Variants in ETFDH observed in about 807,000 individuals in gnomAD.
The protein encoded by ETFDH is electron transfer flavoprotein-ubiquinone oxidoreductase, mitochondrial.
A neutral mutation model predicts 73.2 loss-of-function variants in ETFDH; 61 were observed. That is an observed-to-expected ratio of 0.83 (90% CI 0.68 to 1.03). The LOEUF (loss-of-function observed/expected upper bound fraction) is 1.03, where lower values mean the gene tolerates loss of function less well. Ranked by LOEUF, ETFDH falls within the 50% of genes least tolerant of loss-of-function variation. The probability of loss-of-function intolerance (pLI) is 0.00; values close to 1 mark genes in which losing one functional copy is unlikely to be tolerated. For synonymous variants in ETFDH, 243 were observed against 253.3 expected (o/e 0.96, Z 0.39); for missense variants, 685 against 745.0 (o/e 0.92, Z 0.94).
intron 1 of ETFDH, among the ~76,000 whole-genome samples, chr4:158,673,548 T>G (rs1773635058): frequency 6.6e-6 from 1 of 152,204 alleles, no homozygotes; most frequent in Non-Finnish European, 1.5e-5. Flanking sequence ...TATTCCAAAT[T>G]CAAGGATATT....
intron 1 of ETFDH, among the ~76,000 whole-genome samples, chr4:158,676,449 A>C (rs1773713728): frequency 6.6e-6 from 1 of 152,230 alleles, no homozygotes. Flanking sequence ...CTCCAGCTGC[A>C]TGACTCTTAA....
At chr4:158,702,975 T>TA (rs1774505755) in intron 9 of ETFDH, among the ~76,000 whole-genome samples, 1 of 152,198 alleles carries the variant, frequency 6.6e-6, no homozygotes, top group African/African-American at 2.4e-5. Context: ...TCCTCACCAG[T>TA]AAGTTTTTTG....
chr4:158,672,357 C>A lies in ETFDH; in HGVS notation c.-100C>A. ...CTGCAGCAGAGTTCTTGCTTTCCGG[C>A]AGGTGATGGCGCCCCCCGCGGCCTA... On this transcript the variant is annotated 5_prime_UTR_variant, in exon 1 of 13. Coordinates refer to ENST00000511912, the MANE Select transcript of ETFDH (RefSeq NM_004453.4). 8.2e-7 allele frequency: 1 copy of A among 1,214,020 alleles called. No homozygotes were observed. The highest frequency in any genetic ancestry group is 2.3e-5 in the East Asian group (1 of 43,052). The allele number at this position is 1,214,020 out of a possible 1,614,324, so 75.2% of individuals were successfully genotyped here. A position where few individuals can be genotyped will look rare whatever the true frequency, so the allele number is the denominator to read the frequency against.
In ETFDH at chr4:158,703,437, C is replaced by T. The variant is rs1374492286; in HGVS notation, c.1131C>T (p.Leu377=). The T allele has an allele frequency of 6.2e-7, 1 of 1,611,452 alleles. No individual in the cohort carries two copies. The highest frequency in any genetic ancestry group is 1.7e-5 in the Admixed American group (1 of 60,012). The part of the protein sequence containing the change: ...NEGGFQSIPK[L]TFPGGLLIGC... ...TGTTTCCTCAGTCTATACCAAAACT[C>T]ACCTTTCCTGGTGGTTTACTAATTG... Residue 377 remains leucine, a synonymous_variant, in exon 10 of 13, where the codon CTC becomes CTT. Transcript: ENST00000511912.
chr4:158,690,286 GT>G, intron 5 of ETFDH, 61 bp from the exon 6 acceptor site: 1 of 932,720 alleles, frequency 1.1e-6, no homozygotes, highest in Non-Finnish European at 1.8e-6. Context: ...GCTGTTTACT[GT>G]TTTTTTCAAG....
chr4:158,694,444 G>C (rs191799023), intron 6 of ETFDH, among the ~76,000 whole-genome samples: 85 of 151,784 alleles, frequency 5.6e-4, no homozygotes, highest in African/African-American at 2.0e-3. Flanking sequence ...AATACAAAAA[G>C]TTAGCTGGGC....
In ETFDH at chr4:158,682,266, G is replaced by A. The variant is rs766435163; in HGVS notation, c.247G>A (p.Ala83Thr). ...TGGTGCAGGCCCTGCAGGGCTCTCT[G>A]CAGCTGTTCGTCTAAAACAGTTGGC... ...IVGAGPAGLS[A>T]AVRLKQLAVA... Residue 83 changes from alanine to threonine, a missense_variant, in exon 3 of 13, where the codon GCA becomes ACA. Transcript: ENST00000511912. 6.2e-7 allele frequency: 1 copy of A among 1,614,174 alleles called. No individual in the cohort carries two copies. Among genetic ancestry groups the A allele is most frequent in the South Asian group, 1.1e-5 (1 of 91,084 alleles).
intron 1 of ETFDH, among the ~76,000 whole-genome samples, chr4:158,674,088 T>C (rs945863603): frequency 2.6e-5 from 4 of 152,228 alleles, no homozygotes; most frequent in African/African-American, 9.7e-5. Context: ...AAATAGTTTG[T>C]CATATGTCAG....
Position 158,703,488 on chromosome 4 carries a change from T to G in ETFDH, c.1182T>G (p.Val394=), listed in dbSNP as rs1230662616. The stretch of plus-strand genomic sequence containing the variant: ...GTTGTAGTCCTGGTTTTATGAATGT[T>G]CCCAAGATCAAAGGTACTCACACAG... ...LIGCSPGFMN[V]PKIKGTHTAM... The change falls in exon 10 of 13, where the codon GTT becomes GTG. Residue 394 remains valine, a synonymous_variant. Coordinates refer to ENST00000511912, the MANE Select transcript of ETFDH (RefSeq NM_004453.4). The G allele has an allele frequency of 1.1e-5, 18 of 1,611,134 alleles. No homozygotes were observed. The highest frequency in any genetic ancestry group is 1.5e-5 in the Non-Finnish European group (18 of 1,177,336).
At chr4:158,695,671 A>G (rs1192315400) in intron 7 of ETFDH, 28 bp downstream of exon 7, 2 of 1,506,736 alleles carry the variant, frequency 1.3e-6, no homozygotes, top group Non-Finnish European at 1.8e-6. Context: ...TGTAATTTTA[A>G]TTTTGAAAGA....
chr4:158,680,293 T>C (rs1163828411), intron 1 of ETFDH, among the ~76,000 whole-genome samples, 174 bp from the exon 2 acceptor site: 1 of 152,030 alleles, frequency 6.6e-6, no homozygotes, highest in African/African-American at 2.4e-5. Flanking sequence ...TTTTAAAATA[T>C]TTAAGATTTG....
rs1773960375 is a variant in ETFDH, at chr4:158,684,808, C to T, written c.487+135C>T. 1.6e-5 allele frequency: 11 copies of T among 683,116 alleles called. No homozygotes were observed. The East Asian group carries it at 2.9e-4, about 18-fold the overall frequency. The allele number at this position is 683,116 out of a possible 1,614,324, so 42.3% of individuals were successfully genotyped here. A position where few individuals can be genotyped will look rare whatever the true frequency, so the allele number is the denominator to read the frequency against. On this transcript the variant is annotated intron_variant, in intron 4 of 12. Coordinates refer to ENST00000511912, the MANE Select transcript of ETFDH (RefSeq NM_004453.4). ...TTTGAAGGACTTACTCAAAGCTATA[C>T]AGCTAGCTGGTGGGAAAGCAGGACT...
At chr4:158,681,812 G>C in intron 2 of ETFDH, 1 of 313,880 alleles carries the variant, frequency 3.2e-6, no homozygotes, top group Non-Finnish European at 6.1e-6. Context: ...TGTATCATAG[G>C]CTGTTCAATT....
intron 9 of ETFDH, among the ~76,000 whole-genome samples, chr4:158,702,548 A>G (rs139267784): frequency 4.4e-4 from 67 of 151,840 alleles, no homozygotes; most frequent in South Asian, 4.2e-4. Flanking sequence ...TTAAGTTTCC[A>G]TATATGAGTG....
At chr4:158,677,988 CT>C (rs1199367512) in intron 1 of ETFDH, among the ~76,000 whole-genome samples, 1 of 152,158 alleles carries the variant, frequency 6.6e-6, no homozygotes, top group African/African-American at 2.4e-5. Context: ...CTTGAGTTAA[CT>C]TTTTTTATCA....
chr4:158,706,412 T>G (rs778771558), intron 11 of ETFDH, 41 bp downstream of exon 11: 2 of 1,463,986 alleles, frequency 1.4e-6, no homozygotes, highest in African/African-American at 2.8e-5. Context: ...TCATTAAAAA[T>G]TCATGAATGG....
rs11941800 is a variant in ETFDH, at chr4:158,708,114, A to G, written c.1691-250A>G. The stretch of plus-strand genomic sequence containing the variant: ...GGACTTCGAGGTTGTGTGGAACTCA[A>G]ACACTCAGTGTCGAGTACCCTTGAT... On this transcript the variant is annotated intron_variant, in intron 12 of 12. Coordinates refer to ENST00000511912, the MANE Select transcript of ETFDH (RefSeq NM_004453.4). 0.013 allele frequency among the ~76,000 whole-genome samples: 2,047 copies of G among 151,988 alleles called. 50 individuals carry two copies. The highest frequency in any genetic ancestry group is 0.045 in the African/African-American group (1,851 of 41,526).
At chr4:158,673,098 G>A (rs566284603) in intron 1 of ETFDH, among the ~76,000 whole-genome samples, 1 of 152,324 alleles carries the variant, frequency 6.6e-6, no homozygotes, top group South Asian at 2.1e-4. Context: ...GAGGTCAGGA[G>A]TTCAAGACCA....
intron 3 of ETFDH, 75 bp downstream of exon 3, chr4:158,682,499 A>G: frequency 8.7e-7 from 1 of 1,150,012 alleles, no homozygotes; most frequent in East Asian, 2.3e-5. Context: ...AAATTACTGG[A>G]ATATAGGAAA....
Sources: gnomAD v4.1 joint callset for allele counts (sites outside exome capture counted in the v4.1 genomes callset) on GRCh38, gnomAD v4.1.1 for gene constraint, MANE v1.5 for transcripts, NCBI Gene and HGNC (gene_info 2026-07-23, HGNC 2026-07-21) for gene names.